The following DLGAP2 variants were observed in gnomAD, a reference collection of about 807,000 sequenced individuals.
DLGAP2 encodes the protein DLG associated protein 2.
Under a neutral mutation model 100.3 loss-of-function variants are expected in DLGAP2, and 26 were observed. That is an observed-to-expected ratio of 0.26 (90% CI 0.19 to 0.36). The LOEUF (loss-of-function observed/expected upper bound fraction) is 0.36, where lower values mean the gene tolerates loss of function less well. Ranked by LOEUF, DLGAP2 falls within the 10% of genes least tolerant of loss-of-function variation. The pLI, the probability that DLGAP2 is intolerant of heterozygous loss-of-function variation, is 1.00. For synonymous variants in DLGAP2, 886 were observed against 630.1 expected (o/e 1.41, Z -6.08); for missense variants, 1,858 against 1,453.2 (o/e 1.28, Z -4.53).
chr8:1,661,443 G>A (rs529814410), intron 8 of DLGAP2, among the ~76,000 whole-genome samples: 89 of 152,318 alleles, frequency 5.8e-4, no homozygotes, highest in African/African-American at 2.0e-3. Flanking sequence ...CTGAGACAGC[G>A]AGTATTGCCA....
intron 2 of DLGAP2, among the ~76,000 whole-genome samples, chr8:908,250 A>G (rs1313101043): frequency 1.3e-5 from 2 of 152,228 alleles, no homozygotes; most frequent in Admixed American, 6.5e-5. Flanking sequence ...GTTGTCTTAT[A>G]AACTTGAGTT....
intron 3 of DLGAP2, among the ~76,000 whole-genome samples, chr8:1,272,644 C>T (rs190430525): frequency 3.9e-5 from 6 of 152,146 alleles, no homozygotes; most frequent in Admixed American, 6.5e-5. Context: ...AAGTGTGAAG[C>T]GCTGGACATG....
intron 2 of DLGAP2, among the ~76,000 whole-genome samples, chr8:1,169,815 A>G (rs1210567948): frequency 6.6e-6 from 1 of 151,898 alleles, no homozygotes; most frequent in Non-Finnish European, 1.5e-5. Context: ...ATATACAATC[A>G]TGTCATCTGC....
At chr8:1,378,348 C>G (rs548612242) in intron 3 of DLGAP2, among the ~76,000 whole-genome samples, 2 of 145,484 alleles carry the variant, frequency 1.4e-5, no homozygotes, top group African/African-American at 5.2e-5. Flanking sequence ...CACACCTGAC[C>G]TCACCTGTCT....
intron 2 of DLGAP2, among the ~76,000 whole-genome samples, chr8:1,135,112 C>A (rs1796377338): frequency 6.6e-6 from 1 of 152,186 alleles, no homozygotes; most frequent in Non-Finnish European, 1.5e-5. Context: ...AACACCTTAA[C>A]CTGTAAAGCT....
intron 1 of DLGAP2, among the ~76,000 whole-genome samples, chr8:741,073 A>G (rs140125598): frequency 1.8e-3 from 276 of 152,356 alleles, no homozygotes; most frequent in Non-Finnish European, 3.5e-3. Flanking sequence ...ACTAGTTTTC[A>G]TCATACGAGG....
At chr8:1,340,235 T>C (rs1801388266) in intron 3 of DLGAP2, among the ~76,000 whole-genome samples, 1 of 152,014 alleles carries the variant, frequency 6.6e-6, no homozygotes, top group African/African-American at 2.4e-5. Flanking sequence ...AATTGACAAA[T>C]GGGATTTAAT....
chr8:995,548 A>G (rs942005212), intron 2 of DLGAP2, among the ~76,000 whole-genome samples: 2 of 152,172 alleles, frequency 1.3e-5, no homozygotes, highest in African/African-American at 4.8e-5. Context: ...GCCCTTCCAA[A>G]TAGAATTTGT....
intron 2 of DLGAP2, among the ~76,000 whole-genome samples, chr8:1,097,645 G>T (rs1452417420): frequency 8.5e-6 from 1 of 118,098 alleles, no homozygotes; most frequent in Non-Finnish European, 1.8e-5. Context: ...CAGGAGAGTC[G>T]AGCTGGGAGC....
chr8:794,042 G>T (rs780477754), intron 1 of DLGAP2, among the ~76,000 whole-genome samples: 1 of 151,964 alleles, frequency 6.6e-6, no homozygotes, highest in Non-Finnish European at 1.5e-5. Flanking sequence ...CCCTGGTGGC[G>T]TGAGTGAGGT....
chr8:1,165,442 G>A (rs1230007546), intron 2 of DLGAP2, among the ~76,000 whole-genome samples: 2 of 152,212 alleles, frequency 1.3e-5, no homozygotes, highest in Non-Finnish European at 2.9e-5. Flanking sequence ...TTCTCAAAGT[G>A]TGCATGTGTG....
chr8:1,605,037 C>T (rs1459602299), intron 6 of DLGAP2, among the ~76,000 whole-genome samples: 2 of 152,166 alleles, frequency 1.3e-5, no homozygotes, highest in East Asian at 3.9e-4. Context: ...CACCAGAAGC[C>T]AGGCGGGGCA....
intron 2 of DLGAP2, among the ~76,000 whole-genome samples, chr8:1,189,858 G>A (rs1410011790): frequency 1.3e-5 from 2 of 152,162 alleles, no homozygotes; most frequent in South Asian, 2.1e-4. Flanking sequence ...GGCAGGAGGC[G>A]GAGATTAAGG....
intron 4 of DLGAP2, among the ~76,000 whole-genome samples, chr8:1,541,432 C>T (rs999865899): frequency 3.3e-5 from 5 of 152,116 alleles, no homozygotes; most frequent in African/African-American, 9.7e-5. Flanking sequence ...AGTAAATATC[C>T]TGAGCTGCAC....
intron 3 of DLGAP2, among the ~76,000 whole-genome samples, chr8:1,263,223 A>G (rs965352315): frequency 1.3e-5 from 2 of 152,222 alleles, no homozygotes; most frequent in Non-Finnish European, 2.9e-5. Context: ...GCAGAAATAT[A>G]TATTGGATTA....
chr8:1,645,157 T>G (rs1038914226), intron 8 of DLGAP2, among the ~76,000 whole-genome samples: 1 of 152,230 alleles, frequency 6.6e-6, no homozygotes, highest in African/African-American at 2.4e-5. Flanking sequence ...TGAAACAGAA[T>G]CATTCAACAT....
At chr8:1,036,879 A>T (rs1409002979) in intron 2 of DLGAP2, among the ~76,000 whole-genome samples, 1 of 152,154 alleles carries the variant, frequency 6.6e-6, no homozygotes, top group Admixed American at 6.5e-5. Flanking sequence ...TTACCCCTTG[A>T]AACATAAGCT....
At chr8:1,544,119 TCTCAAA>T (rs1251308601) in intron 4 of DLGAP2, among the ~76,000 whole-genome samples, 1 of 152,144 alleles carries the variant, frequency 6.6e-6, no homozygotes, top group Non-Finnish European at 1.5e-5. Flanking sequence ...TCCAGGCTGG[TCTCAAA>T]CTCCTGGGCT....
At chr8:1,488,746 C>T (rs887272928) in intron 3 of DLGAP2, among the ~76,000 whole-genome samples, 5 of 152,294 alleles carry the variant, frequency 3.3e-5, no homozygotes, top group African/African-American at 4.8e-5. Context: ...GGCATGACGA[C>T]GTTTTATCTT....
Sources: gnomAD v4.1 joint callset for allele counts (sites outside exome capture counted in the v4.1 genomes callset) on GRCh38, gnomAD v4.1.1 for gene constraint, MANE v1.5 for transcripts, NCBI Gene and HGNC (gene_info 2026-07-23, HGNC 2026-07-21) for gene names.